ABCA8: variants seen among roughly 807,000 people sequenced by gnomAD.
ABCA8 encodes the protein ATP binding cassette subfamily A member 8, also known as ABC-type organic anion transporter ABCA8.
Under a neutral mutation model 192.3 loss-of-function variants are expected in ABCA8, and 177 were observed. The ratio of observed to expected loss-of-function variants is 0.92; its 90% CI spans 0.81 to 1.04. The LOEUF (loss-of-function observed/expected upper bound fraction) is 1.04. Among genes scored for constraint, ABCA8 ranks in the 50% least tolerant of loss-of-function variants. The pLI, the probability that ABCA8 is intolerant of heterozygous loss-of-function variation, is 0.00. For missense variants in ABCA8, 1,915 were observed against 1,904.8 expected (o/e 1.01, Z -0.10); for synonymous variants, 642 against 690.2 (o/e 0.93, Z 1.09).
In ABCA8 at chr17:68,928,070, A is replaced by G; in HGVS notation, c.1126-7T>C. 1 of 1,572,588 alleles carries G rather than the reference A, an allele frequency of 6.4e-7. No individual in the cohort carries two copies. Among genetic ancestry groups the G allele is most frequent in the South Asian group, 1.2e-5 (1 of 84,462 alleles). ...CATAGTCCAAGTGTAAAAGCTGAAA[A>G]TTAAAAAGTAATTAATTAAGGGAAA... On this transcript the variant is annotated splice_region_variant and splice_polypyrimidine_tract_variant and intron_variant, in intron 9 of 39. Transcript: ENST00000586539.
chr17:68,919,283 T>C lies in ABCA8; in HGVS notation c.1788+18A>G, dbSNP rs1045332071. 1.9e-6 allele frequency: 3 copies of C among 1,584,780 alleles called. No individual in the cohort carries two copies. The highest frequency in any genetic ancestry group is 1.8e-5 in the Admixed American group (1 of 56,552). The stretch of plus-strand genomic sequence containing the variant: ...ATCTCATTTTGACCAACACATTAAC[T>C]TTAACATATTTTTGTACCTCTTTAT... On this transcript the variant is annotated intron_variant, in intron 14 of 39. Coordinates refer to ENST00000586539, the MANE Select transcript of ABCA8 (RefSeq NM_001288985.2).
In ABCA8 at chr17:68,927,916, T is replaced by G; in HGVS notation, c.1273A>C (p.Asn425His). The change falls in exon 10 of 40, where the codon AAT becomes CAT. Residue 425 changes from asparagine to histidine, a missense_variant and splice_region_variant. By Grantham distance (68) the Asn-to-His change is moderately conservative. Transcript: ENST00000586539. ...LAIYFEKILP[N>H]EYGHRRPPLF... ...TGATTTTAATCATATCATTACTCAC[T>G]TGGCAAAATTTTTTCAAAGTAAATC... 1 of 1,595,368 alleles carries G rather than the reference T, an allele frequency of 6.3e-7. No homozygotes were observed. Among genetic ancestry groups the G allele is most frequent in the African/African-American group, 1.3e-5 (1 of 74,158 alleles).
chr17:68,938,768 T>G (rs2068144298), intron 4 of ABCA8, among the ~76,000 whole-genome samples: 1 of 152,208 alleles, frequency 6.6e-6, no homozygotes, highest in South Asian at 2.1e-4. Context: ...AGCTGCTGCC[T>G]GATACTGACA....
rs916527040 is a variant in ABCA8, at chr17:68,929,152, C to T, written c.1022G>A (p.Trp341Ter). The T allele has an allele frequency of 6.2e-7, 1 of 1,611,510 alleles. No homozygotes were observed. Among genetic ancestry groups the T allele is most frequent in the Non-Finnish European group, 8.5e-7 (1 of 1,178,536 alleles). Residue 341 changes from tryptophan to a stop codon, truncating the protein, a stop_gained, in exon 9 of 40, where the codon TGG (tryptophan) becomes TAG (stop). Transcript: ENST00000586539. LOFTEE classifies it high-confidence loss of function. The stretch of plus-strand genomic sequence containing the variant: ...CAGTGATGTGAACCCCAGACACCCC[C>T]AAAAGACAGTGAGGAGGAACACGAC... ...GLVVFLLTVF[W>*]GCLGFTSLYR...
Position 68,887,442 on chromosome 17 carries a change from G to A in ABCA8, c.3209C>T (p.Ala1070Val), listed in dbSNP as rs571544554. The A allele has an allele frequency of 1.9e-5, 31 of 1,613,780 alleles. 1 individual carries two copies. The highest frequency in any genetic ancestry group is 1.5e-4 in the South Asian group (14 of 90,972). ...LSPSAYWFGQ[A>V]LVDVSLYFLV... Reference sequence around the variant, plus strand: ...GAAGTACAGGGAAACATCCACCAGCGCCTGCCCAAACCAGTAAGCAGAAGG... The same window carrying A: ...GAAGTACAGGGAAACATCCACCAGCACCTGCCCAAACCAGTAAGCAGAAGG... The change falls in exon 25 of 40, where the codon GCG becomes GTG. Residue 1070 changes from alanine (A) to valine (V), a missense_variant. Coordinates refer to ENST00000586539, the MANE Select transcript of ABCA8 (RefSeq NM_001288985.2).
At position 68,946,350 on chromosome 17, in the gene ABCA8, G is replaced by A. The variant is rs535526265; in HGVS notation, c.-6+2962C>T. On this transcript the variant is annotated intron_variant, in intron 2 of 39. Transcript: ENST00000586539. The stretch of plus-strand genomic sequence containing the variant: ...CAAAGTGCTGGGATTACAGGCGTGA[G>A]CCCCCGCACCCAGCCGCTTTTTACC... Among the ~76,000 whole-genome samples, 482 of 152,220 alleles carry A rather than the reference G, an allele frequency of 3.2e-3. 3 individuals carry two copies. Among genetic ancestry groups the A allele is most frequent in the African/African-American group, 0.011 (468 of 41,542 alleles).
chr17:68,915,789 A>G (rs1287265470), intron 17 of ABCA8, among the ~76,000 whole-genome samples: 2 of 152,196 alleles, frequency 1.3e-5, no homozygotes, highest in African/African-American at 4.8e-5. Flanking sequence ...TACCCCAAAG[A>G]AAGGAAATCA....
chr17:68,934,112 A>G (rs9893051), intron 5 of ABCA8, among the ~76,000 whole-genome samples: 3,577 of 152,240 alleles, frequency 0.023, 148 homozygotes, highest in African/African-American at 0.081. Context: ...ATTAAACTCT[A>G]CTAATAATTA....
At chr17:68,896,228 C>A (rs1029736909) in intron 21 of ABCA8, among the ~76,000 whole-genome samples, 2 of 152,134 alleles carry the variant, frequency 1.3e-5, no homozygotes, top group Non-Finnish European at 2.9e-5. Context: ...GATTGCAATT[C>A]CCTTGGTTGA....
At chr17:68,887,925 T>TATATGTATA in intron 24 of ABCA8, among the ~76,000 whole-genome samples, 115 of 100,802 alleles carry the variant, frequency 1.1e-3, no homozygotes, top group Admixed American at 2.3e-3. Flanking sequence ...TATATATATA[T>TATATGTATA]TATATATGGA....
chr17:68,910,115 AG>A (rs2067195875), intron 17 of ABCA8, among the ~76,000 whole-genome samples: 1 of 152,208 alleles, frequency 6.6e-6, no homozygotes. Flanking sequence ...CCCATCCCCC[AG>A]GAACACCAAA....
chr17:68,942,160 T>C (rs1444329276), intron 2 of ABCA8, 121 bp from the exon 3 acceptor site: 2 of 683,688 alleles, frequency 2.9e-6, no homozygotes, highest in Admixed American at 5.6e-5. Flanking sequence ...GTGCAAAGAG[T>C]CTGAGTGTTC....
Position 68,929,189 on chromosome 17 carries a change from G to A in ABCA8, c.985C>T (p.Leu329Phe). 2 of 1,606,530 alleles carry A rather than the reference G, an allele frequency of 1.2e-6. No individual in the cohort carries two copies. Among genetic ancestry groups the A allele is most frequent in the Admixed American group, 1.7e-5 (1 of 59,260 alleles). Residue 329 changes from leucine to phenylalanine, a missense_variant, in exon 9 of 40, where the codon CTC (leucine) becomes TTC (phenylalanine). Coordinates refer to ENST00000586539, the MANE Select transcript of ABCA8 (RefSeq NM_001288985.2). ...AGGAGGAACACGACCAGGCCGGTGA[G>A]GAAAGATTTCTTTACCAAGATGCTC... is the stretch of plus-strand genomic sequence containing the variant. ...LMSILVKKSF[L>F]TGLVVFLLTV... is the part of the protein sequence containing the mutation.
intron 5 of ABCA8, among the ~76,000 whole-genome samples, chr17:68,935,769 A>G (rs2068050213): frequency 6.6e-6 from 1 of 151,872 alleles, no homozygotes; most frequent in South Asian, 2.1e-4. Context: ...AAATCTCCAT[A>G]CTGTTGTCCA....
chr17:68,919,238 C>T, intron 14 of ABCA8, 63 bp downstream of exon 14: 1 of 1,378,974 alleles, frequency 7.3e-7, no homozygotes, highest in Non-Finnish European at 9.9e-7. Flanking sequence ...AATTAAAACT[C>T]AGTGCAAATG....
intron 26 of ABCA8, 81 bp downstream of exon 26, chr17:68,886,936 T>C (rs774947584): frequency 2.2e-6 from 2 of 926,732 alleles, no homozygotes; most frequent in African/African-American, 1.7e-5. Context: ...ATTATCATCC[T>C]ACAGAGGGCA....
rs573397479 is a variant in ABCA8 at position 68,907,685 on chromosome 17, T to C, written c.2278+55A>G. On this transcript the variant is annotated intron_variant, in intron 18 of 39. Transcript: ENST00000586539. ...ATGTTAGTTGTAATGATAATAATTA[T>C]GATGATGATGACTATTATTCACATA... The C allele has an allele frequency of 1.0e-3, 1,447 of 1,415,276 alleles. 1 individual carries two copies. Among genetic ancestry groups the C allele is most frequent in the South Asian group, 1.7e-3 (107 of 61,998 alleles). 87.7% of individuals were successfully genotyped at this position (1,415,276 alleles called of 1,614,324 possible).
chr17:68,924,159 C>T (rs1313654555), intron 11 of ABCA8, among the ~76,000 whole-genome samples: 4 of 151,978 alleles, frequency 2.6e-5, no homozygotes, highest in Non-Finnish European at 5.9e-5. Flanking sequence ...CCAGCCTGAC[C>T]AACATGGAGA....
intron 17 of ABCA8, among the ~76,000 whole-genome samples, chr17:68,909,296 C>T (rs1455009498): frequency 6.6e-6 from 1 of 152,174 alleles, no homozygotes; most frequent in African/African-American, 2.4e-5. Context: ...TCTGTTGAAA[C>T]TCTTCCACTC....
Sources: gnomAD v4.1 joint callset for allele counts (sites outside exome capture counted in the v4.1 genomes callset) on GRCh38, gnomAD v4.1.1 for gene constraint, MANE v1.5 for transcripts, NCBI Gene and HGNC (gene_info 2026-07-23, HGNC 2026-07-21) for gene names.